Variants in UTS2 observed in about 807,000 individuals in gnomAD.
The protein encoded by UTS2 is urotensin-2.
Under a neutral mutation model 12.6 loss-of-function variants are expected in UTS2, and 10 were observed. The ratio of observed to expected loss-of-function variants is 0.80; its 90% CI spans 0.49 to 1.35. UTS2 has a LOEUF of 1.35. Among genes scored for constraint, UTS2 ranks in the 40% most tolerant of loss-of-function variants. UTS2 has a pLI of 0.00. For missense variants in UTS2, 142 were observed against 143.2 expected, an observed-to-expected ratio of 0.99 and a Z score of 0.04; for synonymous variants, 52 against 50.0, an observed-to-expected ratio of 1.04 and a Z score of -0.17.
chr1:7,887,438 C>G, the UTS2 span, among the ~76,000 whole-genome samples: 8 of 152,088 alleles, frequency 5.3e-5, no homozygotes, highest in Admixed American at 5.2e-4. Context: ...GGATGAAATT[C>G]TTTTTCCCAA....
chr1:7,879,469 G>A, the UTS2 span, among the ~76,000 whole-genome samples: 56 of 152,272 alleles, frequency 3.7e-4, no homozygotes, highest in East Asian at 0.011. Flanking sequence ...AGTCAGGCAT[G>A]ATGGCTCACG....
chr1:7,871,616 G>A, the UTS2 span, among the ~76,000 whole-genome samples: 1 of 151,842 alleles, frequency 6.6e-6, no homozygotes, highest in African/African-American at 2.4e-5. Flanking sequence ...ACTGTGTATC[G>A]AGCAAGTCTA....
At chr1:7,870,504 T>G in the UTS2 span, among the ~76,000 whole-genome samples, 2 of 152,228 alleles carry the variant, frequency 1.3e-5, no homozygotes, top group Non-Finnish European at 2.9e-5. Context: ...CACACTTCTA[T>G]TCCACTTCCA....
the UTS2 span, among the ~76,000 whole-genome samples, chr1:7,863,673 C>A: frequency 6.6e-6 from 1 of 152,164 alleles, no homozygotes; most frequent in Admixed American, 6.5e-5. Flanking sequence ...GGTGCATGGG[C>A]TCTGTATTTA....
chr1:7,913,154 C>T, the UTS2 span, among the ~76,000 whole-genome samples: 1 of 151,872 alleles, frequency 6.6e-6, no homozygotes, highest in East Asian at 1.9e-4. Context: ...CACCAAGAGA[C>T]GTGAGAGATA....
chr1:7,875,298 T>A, the UTS2 span, among the ~76,000 whole-genome samples: 2 of 152,240 alleles, frequency 1.3e-5, no homozygotes, highest in South Asian at 4.2e-4. Flanking sequence ...ATGGTCTCCA[T>A]CTCCTGACCT....
At chr1:7,861,292 T>C in the UTS2 span, among the ~76,000 whole-genome samples, 3 of 151,994 alleles carry the variant, frequency 2.0e-5, no homozygotes, top group Non-Finnish European at 4.4e-5. Context: ...TGGTTTGGGG[T>C]GCCTGTTAAA....
At chr1:7,863,036 TTGTATTGTATTGTATTGTATTGTATTG>T in the UTS2 span, among the ~76,000 whole-genome samples, 107 of 33,022 alleles carry the variant, frequency 3.2e-3, 4 homozygotes, top group African/African-American at 8.5e-3. Flanking sequence ...TTGTATTGTA[TTGTATTGTATTGTATTGTATTGTATTG>T]TATTGTATTG....
At chr1:7,904,206 C>T in the UTS2 span, among the ~76,000 whole-genome samples, 1 of 151,480 alleles carries the variant, frequency 6.6e-6, no homozygotes, top group African/African-American at 2.4e-5. Flanking sequence ...GATGGCCGAG[C>T]ACATTATTGG....
At chr1:7,900,437 C>T in the UTS2 span, among the ~76,000 whole-genome samples, 8 of 151,794 alleles carry the variant, frequency 5.3e-5, no homozygotes, top group African/African-American at 1.9e-4. Flanking sequence ...AGGAAGGAAG[C>T]GAGCAAGGTA....
chr1:7,871,355 T>C, the UTS2 span, among the ~76,000 whole-genome samples: 2 of 152,186 alleles, frequency 1.3e-5, no homozygotes, highest in East Asian at 1.9e-4. Flanking sequence ...CTCTATGGTG[T>C]AGAAGCATGG....
At chr1:7,864,658 ATGTAC>A in the UTS2 span, among the ~76,000 whole-genome samples, 3 of 152,312 alleles carry the variant, frequency 2.0e-5, no homozygotes, top group South Asian at 6.2e-4. Flanking sequence ...CCTAAAAATC[ATGTAC>A]TGTCCCCCTA....
chr1:7,885,908 T>TG, the UTS2 span, among the ~76,000 whole-genome samples: 1,571 of 13,944 alleles, frequency 0.11, 76 homozygotes, highest in African/African-American at 0.23. Flanking sequence ...GGGGGTGGGG[T>TG]GGGGGGGGGC....
chr1:7,867,848 C>G, the UTS2 span, among the ~76,000 whole-genome samples: 2 of 152,118 alleles, frequency 1.3e-5, no homozygotes, highest in South Asian at 2.1e-4. Context: ...TGTCCTCCAG[C>G]CTGGGCAACG....
At chr1:7,900,492 T>C in the UTS2 span, among the ~76,000 whole-genome samples, 8 of 152,078 alleles carry the variant, frequency 5.3e-5, no homozygotes, top group African/African-American at 1.4e-4. Context: ...AATATTTTGT[T>C]TTGGCCAGGT....
chr1:7,856,023 G>T (rs892628539), upstream of UTS2, among the ~76,000 whole-genome samples: 2 of 151,944 alleles, frequency 1.3e-5, no homozygotes, highest in Non-Finnish European at 2.9e-5. Context: ...TACAGACAGG[G>T]TCTTGCTATG....
chr1:7,887,803 G>A, the UTS2 span, among the ~76,000 whole-genome samples: 1 of 151,332 alleles, frequency 6.6e-6, no homozygotes, highest in Non-Finnish European at 1.5e-5. Context: ...TTAATGCAGC[G>A]ATAAATGTAT....
At chr1:7,912,509 A>T in the UTS2 span, among the ~76,000 whole-genome samples, 4 of 152,144 alleles carry the variant, frequency 2.6e-5, no homozygotes, top group African/African-American at 4.8e-5. Flanking sequence ...GCTGGAGTGC[A>T]GTGTCATGAT....
the UTS2 span, among the ~76,000 whole-genome samples, chr1:7,909,187 C>T: frequency 2.6e-4 from 40 of 152,238 alleles, no homozygotes; most frequent in Non-Finnish European, 5.0e-4. Context: ...ATGGGAGCTA[C>T]AGTTCAAGAT....
Sources: allele counts gnomAD v4.1 joint callset (sites outside exome capture counted in the v4.1 genomes callset), GRCh38; gene constraint gnomAD v4.1.1; transcripts MANE v1.5; gene names NCBI Gene and HGNC (gene_info 2026-07-23, HGNC 2026-07-21).